The following GPC5 variants were observed in gnomAD, a reference collection of about 807,000 sequenced individuals.
GPC5 encodes glypican-5.
In GPC5, 47 loss-of-function variants were observed where a neutral mutation model predicts 53.9. The observed-to-expected ratio is 0.87, with a 90% CI of 0.69 to 1.11. The LOEUF (loss-of-function observed/expected upper bound fraction) is 1.11, where lower values mean the gene tolerates loss of function less well. Ranked by LOEUF, GPC5 falls within the 50% of genes most tolerant of loss-of-function variation. The pLI, the probability that GPC5 is intolerant of heterozygous loss-of-function variation, is 0.00. For missense variants in GPC5, 748 were observed against 713.1 expected (o/e 1.05, Z -0.56); for synonymous variants, 286 against 263.3 (o/e 1.09, Z -0.84).
At chr13:92,692,020 C>T (rs560799671) in intron 7 of GPC5, among the ~76,000 whole-genome samples, 3 of 152,052 alleles carry the variant, frequency 2.0e-5, no homozygotes, top group East Asian at 3.9e-4. Context: ...AACCCTTGTC[C>T]CTCTCCTTCC....
chr13:91,918,233 G>A (rs2039678773), intron 6 of GPC5, among the ~76,000 whole-genome samples: 1 of 152,190 alleles, frequency 6.6e-6, no homozygotes, highest in South Asian at 2.1e-4. Context: ...CAGCATAAGG[G>A]AAACCACCCC....
intron 7 of GPC5, among the ~76,000 whole-genome samples, chr13:92,864,590 A>G (rs1879284098): frequency 6.6e-6 from 1 of 152,116 alleles, no homozygotes; most frequent in Admixed American, 6.6e-5. Flanking sequence ...AATTGCCTGG[A>G]GTCCTCATAG....
intron 2 of GPC5, among the ~76,000 whole-genome samples, chr13:91,515,270 T>C (rs996937206): frequency 6.6e-6 from 1 of 152,262 alleles, no homozygotes; most frequent in East Asian, 1.9e-4. Flanking sequence ...TTGTTCATTT[T>C]TTTTAAAGCA....
rs1209745105 is a variant in GPC5 at position 92,318,546 on chromosome 13, A to AT, written c.1561+173557_1561+173558insT. ...AATTACTTAATTGTTAAGTATACCT[A>AT]ATTTTTTTTAATGCCTGTGTTTAAT... On this transcript the variant is annotated intron_variant, in intron 7 of 7. Coordinates refer to ENST00000377067, the MANE Select transcript of GPC5 (RefSeq NM_004466.6). 1.3e-5 allele frequency among the ~76,000 whole-genome samples: 2 copies of AT among 152,084 alleles called. 1 individual carries two copies. Among genetic ancestry groups the AT allele is most frequent in the African/African-American group, 4.8e-5 (2 of 41,408 alleles).
chr13:92,535,324 C>A (rs1383890081), intron 7 of GPC5, among the ~76,000 whole-genome samples: 1 of 152,070 alleles, frequency 6.6e-6, no homozygotes, highest in Non-Finnish European at 1.5e-5. Context: ...CTAGGTCTTC[C>A]TGCTTGCTGC....
chr13:92,113,073 G>T (rs905033958), intron 6 of GPC5, among the ~76,000 whole-genome samples: 1 of 151,992 alleles, frequency 6.6e-6, no homozygotes, highest in Non-Finnish European at 1.5e-5. Context: ...TTATGAAATG[G>T]CAACATGGTA....
At chr13:91,478,881 T>TTATATA (rs71113743) in intron 2 of GPC5, among the ~76,000 whole-genome samples, 2,611 of 67,266 alleles carry the variant, frequency 0.039, 106 homozygotes, top group East Asian at 0.14. Flanking sequence ...TATATACACA[T>TTATATA]TATATATATA....
At chr13:91,426,479 G>A (rs551587043) in intron 1 of GPC5, among the ~76,000 whole-genome samples, 1 of 152,228 alleles carries the variant, frequency 6.6e-6, no homozygotes, top group African/African-American at 2.4e-5. Flanking sequence ...CCCACAGTAG[G>A]CCATCTGCAA....
At chr13:92,298,964 T>A (rs2043057262) in intron 7 of GPC5, among the ~76,000 whole-genome samples, 1 of 152,184 alleles carries the variant, frequency 6.6e-6, no homozygotes, top group Non-Finnish European at 1.5e-5. Context: ...AAAACAAATT[T>A]TAGCAATAAT....
intron 6 of GPC5, among the ~76,000 whole-genome samples, chr13:91,914,635 T>C (rs1281221782): frequency 6.6e-6 from 1 of 151,642 alleles, no homozygotes; most frequent in Non-Finnish European, 1.5e-5. Context: ...TGTGCTAAAT[T>C]ATCTCTTAGT....
chr13:91,736,904 A>T (rs1358135362), intron 4 of GPC5, among the ~76,000 whole-genome samples: 3 of 151,214 alleles, frequency 2.0e-5, no homozygotes, highest in African/African-American at 7.4e-5. Flanking sequence ...ACAATAGGAA[A>T]AAATAAAATA....
At chr13:91,899,226 G>C (rs1337848364) in intron 5 of GPC5, among the ~76,000 whole-genome samples, 3 of 151,978 alleles carry the variant, frequency 2.0e-5, no homozygotes, top group Non-Finnish European at 2.9e-5. Flanking sequence ...TGTGAACTTA[G>C]AACACAGAAA....
intron 7 of GPC5, among the ~76,000 whole-genome samples, chr13:92,674,638 T>A (rs1014138911): frequency 6.6e-6 from 1 of 151,876 alleles, no homozygotes; most frequent in African/African-American, 2.4e-5. Context: ...CATACCATTA[T>A]TAATAGAGGA....
At chr13:91,974,427 G>T (rs2040277138) in intron 6 of GPC5, among the ~76,000 whole-genome samples, 1 of 151,948 alleles carries the variant, frequency 6.6e-6, no homozygotes, top group Non-Finnish European at 1.5e-5. Context: ...AAAGTCTCAG[G>T]ATACAAAATC....
intron 7 of GPC5, among the ~76,000 whole-genome samples, chr13:92,585,843 C>A (rs533889381): frequency 6.6e-6 from 1 of 152,276 alleles, no homozygotes; most frequent in African/African-American, 2.4e-5. Flanking sequence ...CCTGCACAAG[C>A]TCTCTCTTTG....
intron 7 of GPC5, among the ~76,000 whole-genome samples, chr13:92,568,801 A>G (rs1174694083): frequency 1.3e-5 from 2 of 152,098 alleles, no homozygotes; most frequent in Non-Finnish European, 2.9e-5. Flanking sequence ...GTGCACAGAG[A>G]GGTTAAGTTA....
intron 7 of GPC5, among the ~76,000 whole-genome samples, chr13:92,381,881 T>TATATATATCATATATATC (rs2043745811): frequency 7.6e-5 from 3 of 39,664 alleles, no homozygotes; most frequent in East Asian, 1.1e-3. Flanking sequence ...TATATATGAT[T>TATATATATCATATATATC]ATATATATTA....
At chr13:92,705,838 C>T (rs1212484122) in intron 7 of GPC5, 1 of 150,622 alleles carries the variant, frequency 6.6e-6, no homozygotes, top group Non-Finnish European at 1.5e-5. Flanking sequence ...GTAGTCCCAG[C>T]AATTTGAGAA....
intron 7 of GPC5, among the ~76,000 whole-genome samples, chr13:92,855,143 A>G (rs1878954541): frequency 6.6e-6 from 1 of 151,954 alleles, no homozygotes; most frequent in Non-Finnish European, 1.5e-5. Flanking sequence ...TCCAAACACA[A>G]CTCCTATCAA....
Sources: gnomAD v4.1 joint callset for allele counts (sites outside exome capture counted in the v4.1 genomes callset) on GRCh38, gnomAD v4.1.1 for gene constraint, MANE v1.5 for transcripts, NCBI Gene and HGNC (gene_info 2026-07-23, HGNC 2026-07-21) for gene names.